Variants in PIKFYVE observed in about 807,000 individuals in gnomAD.
PIKFYVE encodes 1-phosphatidylinositol 3-phosphate 5-kinase.
Under a neutral mutation model 257.9 loss-of-function variants are expected in PIKFYVE, and 122 were observed. The observed-to-expected ratio is 0.47, with a 90% CI of 0.41 to 0.55. The LOEUF is 0.55. Among genes scored for constraint, PIKFYVE ranks in the 20% least tolerant of loss-of-function variants. PIKFYVE has a pLI of 0.00. For missense variants in PIKFYVE, 2,160 were observed against 2,536.6 expected (o/e 0.85, Z 3.19); for synonymous variants, 892 against 868.9 (o/e 1.03, Z -0.47).
intron 7 of PIKFYVE, among the ~76,000 whole-genome samples, chr2:208,292,057 ATT>A (rs913205983): frequency 6.6e-6 from 1 of 150,814 alleles, no homozygotes; most frequent in African/African-American, 2.4e-5. Flanking sequence ...TGACTCATGT[ATT>A]TTTTTTTACA....
chr2:208,348,283 A>G (rs935543223), intron 35 of PIKFYVE, among the ~76,000 whole-genome samples: 3 of 152,154 alleles, frequency 2.0e-5, no homozygotes, highest in Admixed American at 2.0e-4. Flanking sequence ...GGCAAAAACA[A>G]TGTCTTCCAA....
chr2:208,321,399 A>G (rs4673398), intron 17 of PIKFYVE, among the ~76,000 whole-genome samples: 141,195 of 151,854 alleles, frequency 0.93, 66,169 homozygotes, highest in Non-Finnish European at 0.98. Context: ...TAGTAAAAGA[A>G]ACAGTGCTTT....
In PIKFYVE at chr2:208,325,690, C is replaced by G. The variant is rs751273959; in HGVS notation, c.2879C>G (p.Thr960Arg). The change falls in exon 20 of 42, where the codon ACA becomes AGA. Residue 960 changes from threonine (T) to arginine (R), a missense_variant. Around this residue, in one of 12 missense-constraint regions of PIKFYVE, gnomAD observed 522 missense variants for 514.6 expected, o/e 1.01. Coordinates refer to ENST00000264380, the MANE Select transcript of PIKFYVE (RefSeq NM_015040.4). The part of the protein sequence containing the change: ...VASVKHQEHS[T>R]TACPAGLPCA... Reference sequence around the variant, plus strand: ...TCTGTGAAGCATCAAGAACATAGCACAACAGCTTGCCCGGCGGGTCTCCCT... The same window carrying G: ...TCTGTGAAGCATCAAGAACATAGCAGAACAGCTTGCCCGGCGGGTCTCCCT... The G allele has an allele frequency of 1.2e-6, 2 of 1,613,956 alleles. No homozygotes were observed. Among genetic ancestry groups the G allele is most frequent in the Non-Finnish European group, 1.7e-6 (2 of 1,179,924 alleles).
At chr2:208,267,502 G>GTT (rs376773052) in intron 1 of PIKFYVE, among the ~76,000 whole-genome samples, 3,472 of 108,998 alleles carry the variant, frequency 0.032, 340 homozygotes, top group African/African-American at 0.07. Context: ...TACATTGCCA[G>GTT]TTTTTTTTTT....
At chr2:208,304,469 C>G in intron 11 of PIKFYVE, 151 bp downstream of exon 11, 3 of 1,120,936 alleles carry the variant, frequency 2.7e-6, no homozygotes, top group Non-Finnish European at 2.6e-6. Context: ...GTCTTAGATA[C>G]AGTATTTTCT....
chr2:208,309,008 C>T (rs1285502949), intron 12 of PIKFYVE, among the ~76,000 whole-genome samples: 1 of 152,112 alleles, frequency 6.6e-6, no homozygotes, highest in Non-Finnish European at 1.5e-5. Flanking sequence ...GCACCCGGCC[C>T]ACTACTAGTA....
At chr2:208,334,155 C>G (rs545663681) in intron 24 of PIKFYVE, among the ~76,000 whole-genome samples, 1 of 152,218 alleles carries the variant, frequency 6.6e-6, no homozygotes, top group Non-Finnish European at 1.5e-5. Context: ...AGTCTGAGCA[C>G]TTTTTACCAA....
intron 5 of PIKFYVE, 151 bp from the exon 6 acceptor site, chr2:208,285,575 A>G (rs1335355166): frequency 1.5e-6 from 1 of 673,868 alleles, no homozygotes; most frequent in Admixed American, 2.6e-5. Flanking sequence ...TCACTTTTTA[A>G]AATGTCTTTT....
At chr2:208,268,392 G>A (rs1017775306) in intron 1 of PIKFYVE, among the ~76,000 whole-genome samples, 1 of 149,758 alleles carries the variant, frequency 6.7e-6, no homozygotes, top group African/African-American at 2.5e-5. Context: ...TGGTTGTTAC[G>A]GCCATCACAT....
chr2:208,310,737 A>G lies in PIKFYVE; in HGVS notation c.1637-1499A>G, dbSNP rs1694848903. 3.3e-5 allele frequency among the ~76,000 whole-genome samples: 5 copies of G among 152,196 alleles called. No homozygotes were observed. In the South Asian group the frequency reaches 1.0e-3, roughly 31 times the overall value. On this transcript the variant is annotated intron_variant, in intron 12 of 41. Coordinates refer to ENST00000264380, the MANE Select transcript of PIKFYVE (RefSeq NM_015040.4). ...CTTTTAAATTCATGTTATGAAAAGA[A>G]AAAAAGACAGGAGATCTGTTCTAGA...
rs773849622 is a variant in PIKFYVE, at chr2:208,315,275, A to G, written c.1909A>G (p.Ile637Val). 92 of 1,614,022 alleles carry G rather than the reference A, an allele frequency of 5.7e-5. No individual in the cohort carries two copies. Among genetic ancestry groups the G allele is most frequent in the Non-Finnish European group, 7.2e-5 (85 of 1,180,008 alleles). The change falls in exon 15 of 42, where the codon ATC becomes GTC. Residue 637 changes from isoleucine to valine, a missense_variant. Physicochemically the swap from Ile to Val is conservative, Grantham distance 29. Coordinates refer to ENST00000264380, the MANE Select transcript of PIKFYVE (RefSeq NM_015040.4). ...ACTGTCATCATCTTGGAGGGACATC[A>G]TCGTGTCATTGGTCTGCCAGGTTGT... is the stretch of plus-strand genomic sequence containing the variant. ...DSLSSSWRDIIVSLVCQVVQT... is the reference protein window; with the variant it reads ...DSLSSSWRDIVVSLVCQVVQT...
chr2:208,312,934 C>T (rs1574572345), intron 13 of PIKFYVE, among the ~76,000 whole-genome samples: 2 of 152,176 alleles, frequency 1.3e-5, no homozygotes, highest in South Asian at 2.1e-4. Flanking sequence ...AGAAGGCAAG[C>T]GGGTACAAGG....
intron 15 of PIKFYVE, 111 bp from the exon 16 acceptor site, chr2:208,317,756 A>G (rs10174541): frequency 0.13 from 137,976 of 1,037,222 alleles, 9,910 homozygotes; most frequent in African/African-American, 0.19. Context: ...TTTTGTTCTT[A>G]TTTGATTACA....
chr2:208,301,171 AC>A (rs978007093), intron 9 of PIKFYVE, 77 bp downstream of exon 9: 1 of 1,557,742 alleles, frequency 6.4e-7, no homozygotes, highest in African/African-American at 1.4e-5. Context: ...AGTAAGAGTT[AC>A]AGATTTCTTT....
In PIKFYVE at chr2:208,333,503, C is replaced by T. The variant is rs775744936; in HGVS notation, c.4142+10C>T. ...TGGTGGCGTCTTTCAGGTAAGAAAT[C>T]CTAGGAATCTTGTGCATGATCTCAG... On this transcript the variant is annotated intron_variant, in intron 24 of 41. Coordinates refer to ENST00000264380, the MANE Select transcript of PIKFYVE (RefSeq NM_015040.4). The T allele has an allele frequency of 1.2e-5, 19 of 1,610,510 alleles. No homozygotes were observed. Among genetic ancestry groups the T allele is most frequent in the Non-Finnish European group, 1.6e-5 (19 of 1,177,382 alleles).
chr2:208,352,345 T>A (rs753108119), intron 38 of PIKFYVE, among the ~76,000 whole-genome samples: 8 of 151,904 alleles, frequency 5.3e-5, no homozygotes, highest in Non-Finnish European at 8.8e-5. Context: ...GTTACATAGT[T>A]TTGGGTTTTT....
At chr2:208,282,840 G>T (rs35211311) in intron 5 of PIKFYVE, among the ~76,000 whole-genome samples, 1 of 152,192 alleles carries the variant, frequency 6.6e-6, no homozygotes, top group African/African-American at 2.4e-5. Context: ...TGTGGGGGAC[G>T]GGGGATGGTT....
At chr2:208,348,056 A>G (rs760116113) in intron 35 of PIKFYVE, 33 bp downstream of exon 35, 10 of 1,607,770 alleles carry the variant, frequency 6.2e-6, no homozygotes, top group East Asian at 2.2e-5. Context: ...TGCTTATTCT[A>G]TGCTTTGATT....
At chr2:208,270,406 T>C (rs1689264984) in intron 1 of PIKFYVE, among the ~76,000 whole-genome samples, 1 of 152,192 alleles carries the variant, frequency 6.6e-6, no homozygotes, top group South Asian at 2.1e-4. Flanking sequence ...TAAATCAATA[T>C]GGCAGAAAAT....
Sources: allele counts gnomAD v4.1 joint callset (sites outside exome capture counted in the v4.1 genomes callset), GRCh38; gene constraint gnomAD v4.1.1; regional missense constraint gnomAD v4.1.1; transcripts MANE v1.5; gene names NCBI Gene and HGNC (gene_info 2026-07-23, HGNC 2026-07-21).